Variants in RASGEF1A observed in about 807,000 individuals in gnomAD.
The protein encoded by RASGEF1A is ras-GEF domain-containing family member 1A.
Under a neutral mutation model 56.4 loss-of-function variants are expected in RASGEF1A, and 18 were observed. That is an observed-to-expected ratio of 0.32 (90% confidence interval 0.22 to 0.47). RASGEF1A has a LOEUF of 0.47. Among genes scored for constraint, RASGEF1A ranks in the 20% least tolerant of loss-of-function variants. The pLI is 1.00. For missense variants in RASGEF1A, 422 were observed against 627.1 expected (o/e 0.67, Z 3.49); for synonymous variants, 245 against 242.6 (o/e 1.01, Z -0.09).
intron 1 of RASGEF1A, among the ~76,000 whole-genome samples, chr10:43,234,401 AG>A (rs1840406839): frequency 6.6e-6 from 1 of 152,098 alleles, no homozygotes; most frequent in East Asian, 1.9e-4. Flanking sequence ...CTCTTCTAAA[AG>A]GCACAGCCTA....
chr10:43,223,086 C>T (rs1169621102), intron 1 of RASGEF1A, among the ~76,000 whole-genome samples: 1 of 152,128 alleles, frequency 6.6e-6, no homozygotes, highest in African/African-American at 2.4e-5. Flanking sequence ...CCTCTTCATG[C>T]TAGATTCACA....
At chr10:43,199,288 C>T (rs368604736) in intron 7 of RASGEF1A, 94 bp from the exon 8 acceptor site, 11 of 940,756 alleles carry the variant, frequency 1.2e-5, no homozygotes, top group African/African-American at 8.2e-5. Flanking sequence ...GGGAGGACCT[C>T]GGGACTTAGC....
chr10:43,199,014 T>G lies in RASGEF1A; in HGVS notation c.953-2A>C. On this transcript the variant is annotated splice_acceptor_variant, in intron 8 of 12. Transcript: ENST00000395810. LOFTEE classifies it high-confidence loss of function. ...CCACAGGACTGAGGTTCATGCCAGC[T>G]GCAGAGGACAGCAGGTAGGGTCAGG... 6.5e-7 allele frequency: 1 copy of G among 1,543,400 alleles called. No homozygotes were observed. Among genetic ancestry groups the G allele is most frequent in the Non-Finnish European group, 8.9e-7 (1 of 1,128,086 alleles).
At chr10:43,208,794 C>T (rs961789595) in intron 1 of RASGEF1A, 12 of 985,416 alleles carry the variant, frequency 1.2e-5, no homozygotes, top group African/African-American at 1.7e-5. Context: ...TGCCCAGCCA[C>T]GGAGCACTTC....
intron 1 of RASGEF1A, among the ~76,000 whole-genome samples, chr10:43,242,119 C>A (rs1215179000): frequency 6.6e-6 from 1 of 152,016 alleles, no homozygotes; most frequent in Non-Finnish European, 1.5e-5. Flanking sequence ...GCCTAGACGA[C>A]AGAACGAGAC....
chr10:43,229,844 G>T (rs1840338595), intron 1 of RASGEF1A: 2 of 835,172 alleles, frequency 2.4e-6, no homozygotes, highest in Non-Finnish European at 1.6e-6. Flanking sequence ...TCCGGGCGGG[G>T]CAGAGGGGCC....
At chr10:43,253,125 C>T (rs1937897689) in intron 1 of RASGEF1A, among the ~76,000 whole-genome samples, 1 of 152,092 alleles carries the variant, frequency 6.6e-6, no homozygotes, top group South Asian at 2.1e-4. Context: ...CACTTCCACG[C>T]CCACCGTAGC....
chr10:43,207,768 G>A (rs1840017067), intron 1 of RASGEF1A: 5 of 932,346 alleles, frequency 5.4e-6, no homozygotes, highest in Non-Finnish European at 6.4e-6. Flanking sequence ...GAAACTCTGG[G>A]GTGGACTGCT....
At chr10:43,236,404 A>G (rs1040562749) in intron 1 of RASGEF1A, among the ~76,000 whole-genome samples, 5 of 152,226 alleles carry the variant, frequency 3.3e-5, no homozygotes, top group Admixed American at 3.3e-4. Context: ...TGCTTTCTGC[A>G]TGTGTGCATA....
chr10:43,233,328 G>C (rs769345204), intron 1 of RASGEF1A, among the ~76,000 whole-genome samples: 9 of 152,196 alleles, frequency 5.9e-5, no homozygotes, highest in African/African-American at 2.2e-4. Context: ...GTGTGTGTGT[G>C]TGTAGACAGA....
At chr10:43,241,202 T>G (rs750421857) in intron 1 of RASGEF1A, among the ~76,000 whole-genome samples, 1 of 152,234 alleles carries the variant, frequency 6.6e-6, no homozygotes, top group Non-Finnish European at 1.5e-5. Context: ...ATATAAAAGA[T>G]AGTATAAACA....
At chr10:43,205,687 G>T (rs1025301999) in intron 2 of RASGEF1A, among the ~76,000 whole-genome samples, 1 of 152,156 alleles carries the variant, frequency 6.6e-6, no homozygotes, top group Non-Finnish European at 1.5e-5. Flanking sequence ...CCTACCTGGG[G>T]CAGCAGCAGG....
chr10:43,219,356 G>C (rs1840177523), intron 1 of RASGEF1A, among the ~76,000 whole-genome samples: 1 of 152,222 alleles, frequency 6.6e-6, no homozygotes, highest in Non-Finnish European at 1.5e-5. Context: ...CCTTTCCAGG[G>C]AGACCCCTAG....
At chr10:43,199,863 C>T in intron 6 of RASGEF1A, 95 bp from the exon 7 acceptor site, 3 of 1,025,084 alleles carry the variant, frequency 2.9e-6, no homozygotes, top group Admixed American at 1.9e-5. Context: ...TATGGCTCAG[C>T]CTGCACCGCA....
intron 1 of RASGEF1A, among the ~76,000 whole-genome samples, chr10:43,254,502 G>C (rs565522772): frequency 6.6e-6 from 1 of 152,322 alleles, no homozygotes; most frequent in Admixed American, 6.5e-5. Context: ...TCCACCTCGG[G>C]CCTCACGGCT....
At chr10:43,199,375 C>G (rs952643893) in intron 7 of RASGEF1A, among the ~76,000 whole-genome samples, 181 bp from the exon 8 acceptor site, 14 of 152,302 alleles carry the variant, frequency 9.2e-5, no homozygotes, top group African/African-American at 2.9e-4. Flanking sequence ...TATGCTCAGG[C>G]TCCTCAGTCA....
intron 1 of RASGEF1A, chr10:43,208,327 A>C (rs1348581453): frequency 1.0e-6 from 1 of 985,806 alleles, no homozygotes; most frequent in East Asian, 1.1e-4. Context: ...GACACCCCAC[A>C]AACTCAGCCC....
At chr10:43,218,178 C>T (rs1030685773) in intron 1 of RASGEF1A, among the ~76,000 whole-genome samples, 3 of 152,250 alleles carry the variant, frequency 2.0e-5, no homozygotes, top group African/African-American at 4.8e-5. Flanking sequence ...AGAGCACTAG[C>T]GGTCCTATAG....
intron 1 of RASGEF1A, among the ~76,000 whole-genome samples, chr10:43,227,808 G>A (rs879834980): frequency 2.0e-5 from 3 of 151,980 alleles, no homozygotes; most frequent in Non-Finnish European, 2.9e-5. Flanking sequence ...CACCTCTAAG[G>A]GCAACACCCT....
Sources: allele counts gnomAD v4.1 joint callset (sites outside exome capture counted in the v4.1 genomes callset), GRCh38; gene constraint gnomAD v4.1.1; transcripts MANE v1.5; gene names NCBI Gene and HGNC (gene_info 2026-07-23, HGNC 2026-07-21).